Variants in DSCAM observed in about 807,000 individuals in gnomAD.
The protein encoded by DSCAM is DS cell adhesion molecule.
Under a neutral mutation model 217.7 loss-of-function variants are expected in DSCAM, and 47 were observed. That is an observed-to-expected ratio of 0.22 (90% confidence interval 0.17 to 0.28). The LOEUF (loss-of-function observed/expected upper bound fraction) is 0.28. Among genes scored for constraint, DSCAM ranks in the 10% least tolerant of loss-of-function variants. The pLI is 1.00. For synonymous variants in DSCAM, 1,056 were observed against 1,015.3 expected (o/e 1.04, Z -0.76); for missense variants, 2,080 against 2,618.3 (o/e 0.79, Z 4.49).
At chr21:40,603,617 C>T (rs1366427322) in intron 3 of DSCAM, among the ~76,000 whole-genome samples, 1 of 152,050 alleles carries the variant, frequency 6.6e-6, no homozygotes, top group Non-Finnish European at 1.5e-5. Context: ...GTAACAAATT[C>T]CCTCAATTTT....
chr21:40,218,309 G>T (rs2091261537), intron 11 of DSCAM, among the ~76,000 whole-genome samples: 1 of 152,132 alleles, frequency 6.6e-6, no homozygotes, highest in Non-Finnish European at 1.5e-5. Context: ...TTGTAGATGT[G>T]TGACCTTATT....
chr21:40,412,380 A>C (rs1460332252), intron 3 of DSCAM, among the ~76,000 whole-genome samples: 1 of 152,234 alleles, frequency 6.6e-6, no homozygotes, highest in African/African-American at 2.4e-5. Context: ...GGAACTCCCT[A>C]GAGCCTAGTT....
At chr21:40,834,356 G>C (rs568344506) in intron 1 of DSCAM, among the ~76,000 whole-genome samples, 2 of 150,662 alleles carry the variant, frequency 1.3e-5, no homozygotes, top group East Asian at 3.9e-4. Flanking sequence ...GCAGTGAGCA[G>C]AGATCACGCC....
chr21:40,641,253 A>C (rs1322668736), intron 3 of DSCAM, among the ~76,000 whole-genome samples: 1 of 152,030 alleles, frequency 6.6e-6, no homozygotes, highest in Non-Finnish European at 1.5e-5. Flanking sequence ...TGGTGGCCCC[A>C]TGGGTGTGGT....
At chr21:40,173,585 A>G (rs527845995) in intron 15 of DSCAM, among the ~76,000 whole-genome samples, 46 of 152,256 alleles carry the variant, frequency 3.0e-4, no homozygotes, top group Middle Eastern at 3.4e-3. Context: ...TTTGACTCTT[A>G]CTGAAGAACA....
At chr21:40,218,027 G>A (rs560842286) in intron 11 of DSCAM, among the ~76,000 whole-genome samples, 1 of 152,132 alleles carries the variant, frequency 6.6e-6, no homozygotes, top group African/African-American at 2.4e-5. Flanking sequence ...GTCAAATTTT[G>A]CTTGTGTTGC....
chr21:40,712,515 TTATA>T (rs2090793110), intron 1 of DSCAM, among the ~76,000 whole-genome samples: 1 of 148,128 alleles, frequency 6.8e-6, no homozygotes, highest in South Asian at 2.1e-4. Flanking sequence ...CATTTATCTA[TTATA>T]TAAACATTTT....
At chr21:40,157,092 A>G (rs532801683) in intron 16 of DSCAM, among the ~76,000 whole-genome samples, 55 of 152,246 alleles carry the variant, frequency 3.6e-4, no homozygotes, top group African/African-American at 1.3e-3. Flanking sequence ...TTTTTAAATG[A>G]TTGAAAAAAA....
At chr21:40,423,379 T>C (rs1340960189) in intron 3 of DSCAM, among the ~76,000 whole-genome samples, 2 of 152,174 alleles carry the variant, frequency 1.3e-5, no homozygotes. Context: ...AACATGTATG[T>C]AAACGGTGTT....
Position 40,606,829 on chromosome 21 carries a change from G to T in DSCAM, c.508+85981C>A, listed in dbSNP as rs112592796. On this transcript the variant is annotated intron_variant, in intron 3 of 32. Coordinates refer to ENST00000400454, the MANE Select transcript of DSCAM (RefSeq NM_001389.5). ...TATTTTGGGAGAGACCTGCTGGGAG[G>T]TAATTGAATCATGGGGGCAGGTCTT... Among the ~76,000 whole-genome samples, 671 of 152,312 alleles carry T rather than the reference G, an allele frequency of 4.4e-3. 6 individuals are homozygous for T. The highest frequency in any genetic ancestry group is 0.015 in the African/African-American group (627 of 41,568).
At chr21:40,463,056 T>C (rs1308127239) in intron 3 of DSCAM, among the ~76,000 whole-genome samples, 1 of 152,198 alleles carries the variant, frequency 6.6e-6, no homozygotes, top group Non-Finnish European at 1.5e-5. Flanking sequence ...GAGTGCTAGG[T>C]TGAACCATCT....
At chr21:40,800,719 T>TTTTTTTC (rs2091732904) in intron 1 of DSCAM, among the ~76,000 whole-genome samples, 1 of 149,798 alleles carries the variant, frequency 6.7e-6, no homozygotes, top group African/African-American at 2.5e-5. Context: ...TACTTTCTTT[T>TTTTTTTC]TTTTTTTTTT....
At chr21:40,556,353 G>C (rs1428398794) in intron 3 of DSCAM, among the ~76,000 whole-genome samples, 1 of 152,118 alleles carries the variant, frequency 6.6e-6, no homozygotes, top group Non-Finnish European at 1.5e-5. Flanking sequence ...TATTTTGTAT[G>C]TTATCTGTAT....
In DSCAM at chr21:40,150,644, C is replaced by T. The variant is rs1054746993; in HGVS notation, c.3019-5913G>A. On this transcript the variant is annotated intron_variant, in intron 16 of 32. Coordinates refer to ENST00000400454, the MANE Select transcript of DSCAM (RefSeq NM_001389.5). ...GTGGAAGGTGTGCTTAGTGGAGACA[C>T]GTGAATCCATTTGTCTGGCAGTGGG... 3.3e-5 allele frequency among the ~76,000 whole-genome samples: 5 copies of T among 152,150 alleles called. No individual in the cohort carries two copies. The South Asian group carries it at 1.0e-3, about 32-fold the overall frequency.
Position 40,836,873 on chromosome 21 carries a change from A to G in DSCAM, c.43+9746T>C, listed in dbSNP as rs191136861. Among the ~76,000 whole-genome samples the G allele has an allele frequency of 2.0e-5, 3 of 152,334 alleles. No homozygotes were observed. In the East Asian group the frequency reaches 5.8e-4, roughly 29 times the overall value. On this transcript the variant is annotated intron_variant, in intron 1 of 32. Transcript: ENST00000400454. The stretch of plus-strand genomic sequence containing the variant: ...GAAAAACAAGACAAAGTCACATGGG[A>G]TTAGAAACACCTGGGGAGCTTTCCA...
chr21:40,648,270 C>CAG lies in DSCAM; in HGVS notation c.508+44539_508+44540insCT, dbSNP rs755929655. On this transcript the variant is annotated intron_variant, in intron 3 of 32. Coordinates refer to ENST00000400454, the MANE Select transcript of DSCAM (RefSeq NM_001389.5). The stretch of plus-strand genomic sequence containing the variant: ...CCCTGTACACACACACACACACACA[C>CAG]ACACACACACACTCACACACTGCTC... Among the ~76,000 whole-genome samples, 158 of 149,250 alleles carry CAG rather than the reference C, an allele frequency of 1.1e-3. 3 individuals carry two copies. The highest frequency in any genetic ancestry group is 5.5e-3 in the South Asian group (26 of 4,758).
chr21:40,738,379 C>T (rs917630382), intron 1 of DSCAM, among the ~76,000 whole-genome samples: 9 of 152,278 alleles, frequency 5.9e-5, no homozygotes, highest in Admixed American at 5.9e-4. Context: ...TAATTGTAAT[C>T]GCATCTTCTT....
intron 3 of DSCAM, among the ~76,000 whole-genome samples, chr21:40,599,279 T>C (rs558278005): frequency 1.3e-3 from 197 of 152,276 alleles, no homozygotes; most frequent in Non-Finnish European, 2.0e-3. Context: ...TAGGTGTACA[T>C]GTACCATGGT....
intron 11 of DSCAM, among the ~76,000 whole-genome samples, chr21:40,226,575 A>G (rs1451472146): frequency 1.3e-5 from 2 of 152,268 alleles, no homozygotes; most frequent in East Asian, 3.9e-4. Context: ...AAATGTCCCA[A>G]ACCCATGCAG....
Sources: gnomAD v4.1 joint callset for allele counts (sites outside exome capture counted in the v4.1 genomes callset) on GRCh38, gnomAD v4.1.1 for gene constraint, MANE v1.5 for transcripts, NCBI Gene and HGNC (gene_info 2026-07-23, HGNC 2026-07-21) for gene names.